The following ATP10B variants were observed in gnomAD, a reference collection of about 807,000 sequenced individuals.
ATP10B encodes ATPase phospholipid transporting 10B (putative).
ATP10B carries 122 observed loss-of-function variants against 141.2 expected under a neutral mutation model. The ratio of observed to expected loss-of-function variants is 0.86; its 90% CI spans 0.75 to 1.00. The LOEUF (loss-of-function observed/expected upper bound fraction) is 1.00, where lower values mean the gene tolerates loss of function less well. Among genes scored for constraint, ATP10B ranks in the 50% least tolerant of loss-of-function variants. The pLI, the probability that ATP10B is intolerant of heterozygous loss-of-function variation, is 0.00. For missense variants in ATP10B, 1,876 were observed against 1,825.3 expected (o/e 1.03, Z -0.51); for synonymous variants, 685 against 692.0 (o/e 0.99, Z 0.16).
chr5:160,670,466 C>T lies in ATP10B; in HGVS notation c.672G>A (p.Gln224=). ...AAGATATTAGAAAGAGCCCTACCTG[C>T]TGTGAGAAGCCCTTCACGACACATC... ...KQRCVVKGFS[Q]QEVQFEPELF... is the part of the protein sequence containing the mutation. Residue 224 remains glutamine, a synonymous_variant, in exon 7 of 26, where the codon CAG becomes CAA. Coordinates refer to ENST00000327245, the MANE Select transcript of ATP10B (RefSeq NM_025153.3). The T allele has an allele frequency of 6.2e-7, 1 of 1,613,972 alleles. No individual in the cohort carries two copies. Among genetic ancestry groups the T allele is most frequent in the Non-Finnish European group, 8.5e-7 (1 of 1,179,942 alleles).
At chr5:160,782,438 T>TACACACACACACACAC (rs57112303) in intron 2 of ATP10B, among the ~76,000 whole-genome samples, 6 of 141,076 alleles carry the variant, frequency 4.3e-5, no homozygotes, top group Non-Finnish European at 7.7e-5. Flanking sequence ...TCTTCCTCCA[T>TACACACACACACACAC]ACACACACAC....
intron 20 of ATP10B, 55 bp from the exon 21 acceptor site, chr5:160,602,757 A>G: frequency 6.2e-7 from 1 of 1,609,836 alleles, no homozygotes; most frequent in Non-Finnish European, 8.5e-7. Flanking sequence ...AGTGCCCCAG[A>G]GGGACTCTCT....
intron 1 of ATP10B, among the ~76,000 whole-genome samples, chr5:160,802,094 G>A (rs541119439): frequency 1.8e-4 from 28 of 152,254 alleles, no homozygotes; most frequent in East Asian, 7.7e-4. Flanking sequence ...GGATTTCTGC[G>A]ACAACTTTTC....
chr5:160,748,124 G>A (rs1453374386), intron 2 of ATP10B, among the ~76,000 whole-genome samples: 1 of 152,118 alleles, frequency 6.6e-6, no homozygotes, highest in African/African-American at 2.4e-5. Context: ...ACAGCTGCAG[G>A]AATCTGAAAC....
At chr5:160,566,766 T>C (rs1009497681) in intron 25 of ATP10B, among the ~76,000 whole-genome samples, 1 of 152,202 alleles carries the variant, frequency 6.6e-6, no homozygotes, top group African/African-American at 2.4e-5. Flanking sequence ...TCACATCCAC[T>C]TTCCAGATGT....
chr5:160,741,193 C>T (rs1253920683), intron 2 of ATP10B, among the ~76,000 whole-genome samples: 3 of 152,196 alleles, frequency 2.0e-5, no homozygotes, highest in Non-Finnish European at 4.4e-5. Context: ...AGCTTCTGAA[C>T]ACTCTTTTAC....
chr5:160,923,098 A>G, the ATP10B span, among the ~76,000 whole-genome samples: 1 of 152,252 alleles, frequency 6.6e-6, no homozygotes, highest in Non-Finnish European at 1.5e-5. Flanking sequence ...AGAGAAAATG[A>G]GCTGTGGCCA....
chr5:160,758,103 A>T (rs757982819), intron 2 of ATP10B, among the ~76,000 whole-genome samples: 1 of 152,202 alleles, frequency 6.6e-6, no homozygotes, highest in Admixed American at 6.5e-5. Flanking sequence ...GATCAGAATT[A>T]CCAATAGTAG....
intron 22 of ATP10B, among the ~76,000 whole-genome samples, chr5:160,596,809 T>C (rs1756726954): frequency 1.3e-5 from 2 of 151,998 alleles, no homozygotes; most frequent in African/African-American, 4.8e-5. Context: ...TCAAAGAGAA[T>C]AAAATACCTA....
rs2127751540 is a variant in ATP10B at position 160,692,072 on chromosome 5, TAAGATCTTCTTAAATG to T, written c.-204-3145_-204-3130del. On this transcript the variant is annotated intron_variant, in intron 3 of 25. Coordinates refer to ENST00000327245, the MANE Select transcript of ATP10B (RefSeq NM_025153.3). Reference sequence around the variant, plus strand: ...TCAGACTTCTCTCACTATTAGGTGGTAAGATCTTCTTAAATGAAGAGATTGGATTGATGTGGGAAAT... The same window carrying T: ...TCAGACTTCTCTCACTATTAGGTGGTAAGAGATTGGATTGATGTGGGAAAT... Among the ~76,000 whole-genome samples the T allele has an allele frequency of 1.3e-5, 2 of 152,324 alleles. 1 individual carries two copies. Among genetic ancestry groups the T allele is most frequent in the East Asian group, 3.9e-4 (2 of 5,188 alleles).
chr5:160,770,715 A>G (rs528107447), intron 2 of ATP10B, among the ~76,000 whole-genome samples: 3 of 152,358 alleles, frequency 2.0e-5, no homozygotes, highest in African/African-American at 7.2e-5. Context: ...AAAAAATGAA[A>G]TAAGCACATC....
intron 22 of ATP10B, among the ~76,000 whole-genome samples, chr5:160,598,089 A>G (rs530487824): frequency 2.3e-4 from 34 of 145,894 alleles, no homozygotes; most frequent in African/African-American, 7.8e-4. Flanking sequence ...ACATGCACAC[A>G]TATGTTGTTG....
intron 1 of ATP10B, among the ~76,000 whole-genome samples, chr5:160,792,867 G>A (rs895202460): frequency 2.6e-5 from 4 of 152,086 alleles, no homozygotes; most frequent in South Asian, 2.1e-4. Flanking sequence ...GGAGGGTGAC[G>A]TTAACCCTAA....
At chr5:160,800,524 G>T (rs747099020) in intron 1 of ATP10B, among the ~76,000 whole-genome samples, 1 of 152,180 alleles carries the variant, frequency 6.6e-6, no homozygotes, top group Non-Finnish European at 1.5e-5. Flanking sequence ...ATCCATTAAC[G>T]TTAGCCATTG....
intron 13 of ATP10B, among the ~76,000 whole-genome samples, chr5:160,629,097 G>A (rs1409651504): frequency 6.6e-6 from 1 of 152,136 alleles, no homozygotes; most frequent in Non-Finnish European, 1.5e-5. Flanking sequence ...AGTTCACTAA[G>A]GGAAGGTAAA....
chr5:160,746,266 T>G (rs780999582), intron 2 of ATP10B, among the ~76,000 whole-genome samples: 4 of 152,190 alleles, frequency 2.6e-5, no homozygotes, highest in Non-Finnish European at 5.9e-5. Context: ...AGTGGAGCCC[T>G]GGTGGGGGTT....
At chr5:160,593,065 G>T (rs1180977199) in intron 22 of ATP10B, among the ~76,000 whole-genome samples, 3 of 152,198 alleles carry the variant, frequency 2.0e-5, no homozygotes, top group African/African-American at 7.2e-5. Context: ...GAGAGCAGTG[G>T]TTCTCCCAGC....
At chr5:160,744,380 A>T (rs1265002373) in intron 2 of ATP10B, among the ~76,000 whole-genome samples, 1 of 152,058 alleles carries the variant, frequency 6.6e-6, no homozygotes, top group African/African-American at 2.4e-5. Flanking sequence ...CCTTTCCCGG[A>T]GACAGCAGAC....
chr5:160,812,049 AGAGAGAGAGAGG>A (rs1373154838), intron 1 of ATP10B, among the ~76,000 whole-genome samples: 17 of 144,488 alleles, frequency 1.2e-4, no homozygotes, highest in Admixed American at 5.7e-4. Flanking sequence ...AGAGAGAGAG[AGAGAGAGAGAGG>A]GAGAGGGAGA....
Sources: gnomAD v4.1 joint callset for allele counts (sites outside exome capture counted in the v4.1 genomes callset) on GRCh38, gnomAD v4.1.1 for gene constraint, MANE v1.5 for transcripts, NCBI Gene and HGNC (gene_info 2026-07-23, HGNC 2026-07-21) for gene names.